The following LPXN variants were observed in gnomAD, a reference collection of about 807,000 sequenced individuals.
LPXN encodes the protein leupaxin.
In LPXN, 28 loss-of-function variants were observed where a neutral mutation model predicts 45.6. The observed-to-expected ratio is 0.61, with a 90% CI of 0.45 to 0.84. The LOEUF (loss-of-function observed/expected upper bound fraction) is 0.84. Among genes scored for constraint, LPXN ranks in the 40% least tolerant of loss-of-function variants. The probability of loss-of-function intolerance (pLI) is 0.00; values close to 1 mark genes in which losing one functional copy is unlikely to be tolerated. For missense variants in LPXN, 459 were observed against 475.0 expected, an observed-to-expected ratio of 0.97 and a Z score of 0.31; for synonymous variants, 166 against 169.9, an observed-to-expected ratio of 0.98 and a Z score of 0.18.
intron 3 of LPXN, among the ~76,000 whole-genome samples, chr11:58,559,321 T>A (rs1394306369): frequency 3.3e-5 from 5 of 152,114 alleles, no homozygotes; most frequent in Non-Finnish European, 5.9e-5. Flanking sequence ...ACCACTTGAT[T>A]GAGCAATTTT....
At chr11:58,561,561 A>G (rs1380145421) in intron 3 of LPXN, among the ~76,000 whole-genome samples, 1 of 152,220 alleles carries the variant, frequency 6.6e-6, no homozygotes, top group African/African-American at 2.4e-5. Context: ...CAGCTCGATC[A>G]GTCATAATCC....
intron 1 of LPXN, among the ~76,000 whole-genome samples, chr11:58,571,010 T>C (rs1854678673): frequency 6.6e-6 from 1 of 152,180 alleles, no homozygotes; most frequent in African/African-American, 2.4e-5. Context: ...TCATCATTCA[T>C]TTAGGGTAGA....
intron 7 of LPXN, among the ~76,000 whole-genome samples, chr11:58,536,302 C>A (rs1853551401): frequency 6.6e-6 from 1 of 152,050 alleles, no homozygotes; most frequent in Admixed American, 6.6e-5. Flanking sequence ...GTACTGGTAC[C>A]AAAACAGATA....
chr11:58,573,036 G>A (rs1854757168), intron 1 of LPXN, among the ~76,000 whole-genome samples: 1 of 152,156 alleles, frequency 6.6e-6, no homozygotes, highest in African/African-American at 2.4e-5. Context: ...GCCTGAGGTT[G>A]GGAGTTCGAG....
chr11:58,527,272 C>T lies in LPXN; in HGVS notation c.*182G>A. The T allele has an allele frequency of 3.3e-6, 2 of 607,474 alleles. No homozygotes were observed. The highest frequency in any genetic ancestry group is 4.2e-5 in the South Asian group (2 of 48,002). 37.6% of individuals were successfully genotyped at this position (607,474 alleles called of 1,614,324 possible). On this transcript the variant is annotated 3_prime_UTR_variant, in exon 9 of 9. Coordinates refer to ENST00000395074, the MANE Select transcript of LPXN (RefSeq NM_004811.3). ...ATTTATAGAATTAACTGTATAGAAG[C>T]CTAAAAAATAAGATTATCAGCCTAG... is the stretch of plus-strand genomic sequence containing the variant.
intron 7 of LPXN, among the ~76,000 whole-genome samples, chr11:58,529,126 A>ATTT: frequency 6.6e-6 from 1 of 152,280 alleles, no homozygotes; most frequent in East Asian, 1.9e-4. Flanking sequence ...ACTGTCATAA[A>ATTT]TAAAGCCCAA....
intron 7 of LPXN, among the ~76,000 whole-genome samples, chr11:58,531,583 TG>T (rs1853387734): frequency 6.6e-6 from 1 of 152,140 alleles, no homozygotes; most frequent in Admixed American, 6.5e-5. Context: ...TACGTTTGAC[TG>T]GTGTACCTGA....
At chr11:58,571,155 T>C (rs11601687) in intron 1 of LPXN, among the ~76,000 whole-genome samples, 30,192 of 151,824 alleles carry the variant, frequency 0.2, 3,216 homozygotes, top group Middle Eastern at 0.31. Context: ...CAGGGCAACA[T>C]AGCAAAATCC....
intron 3 of LPXN, among the ~76,000 whole-genome samples, chr11:58,558,308 C>T (rs1471336513): frequency 6.6e-6 from 1 of 151,742 alleles, no homozygotes; most frequent in South Asian, 2.1e-4. Context: ...GAAGCTGAGG[C>T]AGGAGGACTG....
chr11:58,559,812 G>A (rs949476230), intron 3 of LPXN, among the ~76,000 whole-genome samples: 2 of 152,140 alleles, frequency 1.3e-5, no homozygotes, highest in African/African-American at 4.8e-5. Context: ...GGAGGTCAAG[G>A]CTGCAGTGAG....
rs563049941 is a variant in LPXN at position 58,537,442 on chromosome 11, A to G, written c.743-9251T>C. Among the ~76,000 whole-genome samples the G allele has an allele frequency of 1.9e-3, 287 of 152,272 alleles. 2 individuals are homozygous for G. The highest frequency in any genetic ancestry group is 6.5e-3 in the African/African-American group (270 of 41,580). On this transcript the variant is annotated intron_variant, in intron 7 of 8. Transcript: ENST00000395074. ...AACCAAACACCGCATGTTCTCACTC[A>G]TAAGTGGGAGTTGAACAATGAGAAC...
At chr11:58,569,820 G>A (rs555182341) in intron 2 of LPXN, among the ~76,000 whole-genome samples, 1 of 152,234 alleles carries the variant, frequency 6.6e-6, no homozygotes, top group South Asian at 2.1e-4. Flanking sequence ...TAAGACCTGG[G>A]AAGTAGTGAC....
intron 3 of LPXN, among the ~76,000 whole-genome samples, chr11:58,563,746 A>G (rs1457723977): frequency 6.6e-6 from 1 of 152,246 alleles, no homozygotes; most frequent in Non-Finnish European, 1.5e-5. Context: ...TCAGTTGGCC[A>G]TGGAGACCCA....
At chr11:58,546,975 A>C (rs951494897) in intron 7 of LPXN, among the ~76,000 whole-genome samples, 3 of 152,168 alleles carry the variant, frequency 2.0e-5, no homozygotes, top group Non-Finnish European at 4.4e-5. Flanking sequence ...ACCACCAAGA[A>C]AGATGAGGTA....
At chr11:58,531,927 C>T (rs1853400324) in intron 7 of LPXN, among the ~76,000 whole-genome samples, 1 of 152,252 alleles carries the variant, frequency 6.6e-6, no homozygotes, top group African/African-American at 2.4e-5. Context: ...CCAGCTCCCT[C>T]TGCCTGCGGG....
In LPXN at chr11:58,563,976, A is replaced by G. The variant is rs3793959; in HGVS notation, c.218+179T>C. On this transcript the variant is annotated intron_variant, in intron 3 of 8. Coordinates refer to ENST00000395074, the MANE Select transcript of LPXN (RefSeq NM_004811.3). ...ACCCTTCCAGAAGCCAGGCACCTTGAGAAGTTGTCAAGTCAGCTTCACAGA... is the reference window on the plus strand; with the variant it reads ...ACCCTTCCAGAAGCCAGGCACCTTGGGAAGTTGTCAAGTCAGCTTCACAGA... Among the ~76,000 whole-genome samples, 13 of 152,334 alleles carry G rather than the reference A, an allele frequency of 8.5e-5. No homozygotes were observed. In the East Asian group the frequency reaches 1.5e-3, roughly 18 times the overall value.
In LPXN at chr11:58,527,372, A is replaced by C; in HGVS notation, c.*82T>G. 1 of 1,431,080 alleles carries C rather than the reference A, an allele frequency of 7.0e-7. No homozygotes were observed. Among genetic ancestry groups the C allele is most frequent in the Non-Finnish European group, 9.7e-7 (1 of 1,030,056 alleles). 88.6% of individuals were successfully genotyped at this position (1,431,080 alleles called of 1,614,324 possible). On this transcript the variant is annotated 3_prime_UTR_variant, in exon 9 of 9. Transcript: ENST00000395074. ...CTATAAGACTATTAAGCAGAAGGTCAGTAACAGAAAATTTACCCTTTCCTC... is the reference window on the plus strand; with the variant it reads ...CTATAAGACTATTAAGCAGAAGGTCCGTAACAGAAAATTTACCCTTTCCTC...
chr11:58,570,512 A>G, intron 2 of LPXN, 44 bp downstream of exon 2: 3 of 1,436,104 alleles, frequency 2.1e-6, no homozygotes, highest in South Asian at 2.7e-5. Flanking sequence ...TCAGAAATGC[A>G]CTCAAACATC....
At chr11:58,545,087 A>G (rs1042482236) in intron 7 of LPXN, among the ~76,000 whole-genome samples, 2 of 152,204 alleles carry the variant, frequency 1.3e-5, no homozygotes, top group African/African-American at 4.8e-5. Context: ...CCAGGCATAA[A>G]AAGGAAAATA....
Sources: gnomAD v4.1 joint callset for allele counts (sites outside exome capture counted in the v4.1 genomes callset) on GRCh38, gnomAD v4.1.1 for gene constraint, MANE v1.5 for transcripts, NCBI Gene and HGNC (gene_info 2026-07-23, HGNC 2026-07-21) for gene names.